LRRC53: variants seen among roughly 807,000 people sequenced by gnomAD.
The protein encoded by LRRC53 is leucine rich repeat containing 53, also known as leucine-rich repeat-containing protein 53.
In LRRC53, 25 loss-of-function variants were observed where a neutral mutation model predicts 13.6. The observed-to-expected ratio is 1.83, with a 90% CI of 1.34 to 2.56. The LOEUF (loss-of-function observed/expected upper bound fraction) is 2.56, where lower values mean the gene tolerates loss of function less well. Ranked by LOEUF, LRRC53 falls within the 30% of genes most tolerant of loss-of-function variation. LRRC53 has a pLI of 0.00. For synonymous variants in LRRC53, 204 were observed against 109.8 expected (o/e 1.86, Z -5.37); for missense variants, 527 against 275.8 (o/e 1.91, Z -6.45).
At chr1:74,507,124 T>A (rs80022729) in intron 1 of LRRC53, among the ~76,000 whole-genome samples, 1 of 152,112 alleles carries the variant, frequency 6.6e-6, no homozygotes, top group Non-Finnish European at 1.5e-5. Flanking sequence ...GTATTATTCA[T>A]TACAAATATT....
chr1:74,506,223 A>T (rs1426975614), intron 1 of LRRC53, among the ~76,000 whole-genome samples: 1 of 152,206 alleles, frequency 6.6e-6, no homozygotes, highest in Non-Finnish European at 1.5e-5. Context: ...AAACATAGAC[A>T]CTTAGTATGT....
intron 1 of LRRC53, among the ~76,000 whole-genome samples, chr1:74,499,742 C>A (rs989990965): frequency 6.6e-6 from 1 of 152,058 alleles, no homozygotes. Context: ...ATGAAAAGAT[C>A]TGACATCTTT....
At chr1:74,530,781 G>T in the LRRC53 span, among the ~76,000 whole-genome samples, 5 of 149,206 alleles carry the variant, frequency 3.4e-5, no homozygotes, top group African/African-American at 1.2e-4. Context: ...GAAAGATTTT[G>T]CTATAGAGTA....
intron 1 of LRRC53, among the ~76,000 whole-genome samples, chr1:74,510,136 G>A (rs1570721021): frequency 6.6e-6 from 1 of 150,908 alleles, no homozygotes; most frequent in East Asian, 1.9e-4. Flanking sequence ...ACTTAGAGAT[G>A]TTTAACTACA....
chr1:74,536,102 C>T, the LRRC53 span, among the ~76,000 whole-genome samples: 1 of 152,124 alleles, frequency 6.6e-6, no homozygotes. Flanking sequence ...TACATTAACT[C>T]ACTAGCCTAG....
rs182088634 is a variant in LRRC53 at position 74,470,928 on chromosome 1, G to A, written c.2694C>T (p.Asp898=). ...GCTCAGTGGACTCCGTTGTCCCTTG[G>A]TCAGTAGCCCTCCTGGAATGTTGGA... ...LPFQHSRRAT[D]QGTTESTEHM... is the part of the protein sequence containing the mutation. The change falls in exon 5 of 5, where the codon GAC becomes GAT. Residue 898 remains aspartate, a synonymous_variant. Coordinates refer to ENST00000294635, the MANE Select transcript of LRRC53 (RefSeq NM_001382280.1). 52 of 400,686 alleles carry A rather than the reference G, an allele frequency of 1.3e-4. No individual in the cohort carries two copies. The highest frequency in any genetic ancestry group is 9.4e-4 in the African/African-American group (46 of 48,814). 24.8% of individuals were successfully genotyped at this position (400,686 alleles called of 1,614,324 possible).
At chr1:74,486,670 A>C (rs1459629738) in intron 1 of LRRC53, among the ~76,000 whole-genome samples, 1 of 151,994 alleles carries the variant, frequency 6.6e-6, no homozygotes, top group African/African-American at 2.4e-5. Flanking sequence ...CATAAGACTG[A>C]ATTAACTCCT....
the LRRC53 span, among the ~76,000 whole-genome samples, chr1:74,518,873 C>CTTTTTTTTTTTTTTT: frequency 1.3e-4 from 13 of 100,356 alleles, 3 homozygotes; most frequent in Admixed American, 2.1e-4. Context: ...TTTTTTTTCC[C>CTTTTTTTTTTTTTTT]CTTTTTTTTT....
chr1:74,516,956 A>C (rs1646357419), upstream of LRRC53, among the ~76,000 whole-genome samples: 1 of 152,212 alleles, frequency 6.6e-6, no homozygotes, highest in Non-Finnish European at 1.5e-5. Context: ...AGAAGTCTAA[A>C]AGAAATATTT....
chr1:74,510,730 C>T (rs921475636), intron 1 of LRRC53, among the ~76,000 whole-genome samples: 7 of 152,104 alleles, frequency 4.6e-5, no homozygotes, highest in Non-Finnish European at 8.8e-5. Flanking sequence ...TTAAATATGG[C>T]TAGCATTGAA....
At chr1:74,490,775 G>C (rs1669030803) in intron 1 of LRRC53, among the ~76,000 whole-genome samples, 1 of 152,204 alleles carries the variant, frequency 6.6e-6, no homozygotes, top group South Asian at 2.1e-4. Context: ...AAGAGGGACA[G>C]AAAGTATTTG....
chr1:74,502,093 A>C (rs992514283), intron 1 of LRRC53, among the ~76,000 whole-genome samples: 9 of 152,168 alleles, frequency 5.9e-5, no homozygotes, highest in African/African-American at 2.2e-4. Context: ...CATATAATCT[A>C]TTAAAATTCA....
upstream of LRRC53, among the ~76,000 whole-genome samples, chr1:74,513,150 C>A (rs539169480): frequency 1.3e-5 from 2 of 152,320 alleles, no homozygotes; most frequent in South Asian, 4.1e-4. Flanking sequence ...GAGATTACAG[C>A]AGAGGTAGGT....
upstream of LRRC53, among the ~76,000 whole-genome samples, chr1:74,517,314 C>T (rs1289077885): frequency 1.3e-5 from 2 of 152,198 alleles, no homozygotes; most frequent in Non-Finnish European, 2.9e-5. Context: ...TTAGAATTTT[C>T]ACTCCATCCA....
intron 1 of LRRC53, chr1:74,489,045 A>G: frequency 1.6e-6 from 1 of 617,076 alleles, no homozygotes; most frequent in Non-Finnish European, 2.6e-6. Flanking sequence ...TTCAATTAAC[A>G]CTTCAATAAA....
intron 1 of LRRC53, among the ~76,000 whole-genome samples, chr1:74,485,378 C>A (rs1345985216): frequency 6.6e-6 from 1 of 152,108 alleles, no homozygotes; most frequent in Non-Finnish European, 1.5e-5. Context: ...GCCGGTTAGT[C>A]GGCCTCATGG....
the LRRC53 span, among the ~76,000 whole-genome samples, chr1:74,526,627 T>G: frequency 1.3e-5 from 2 of 152,222 alleles, 1 homozygote; most frequent in African/African-American, 4.8e-5. Context: ...AAACACTAAA[T>G]AAATATAAAT....
upstream of LRRC53, among the ~76,000 whole-genome samples, chr1:74,515,253 A>T (rs1646332999): frequency 6.6e-6 from 1 of 152,226 alleles, no homozygotes; most frequent in Non-Finnish European, 1.5e-5. Flanking sequence ...CATAGAGCTT[A>T]GGAAGAAAAC....
chr1:74,529,012 A>G, the LRRC53 span, among the ~76,000 whole-genome samples: 4 of 152,236 alleles, frequency 2.6e-5, no homozygotes, highest in Non-Finnish European at 5.9e-5. Context: ...GTGGTCAACT[A>G]TGAGTTAATT....
Sources: allele counts gnomAD v4.1 joint callset (sites outside exome capture counted in the v4.1 genomes callset), GRCh38; gene constraint gnomAD v4.1.1; transcripts MANE v1.5; gene names NCBI Gene and HGNC (gene_info 2026-07-23, HGNC 2026-07-21).